The following STK3 variants were observed in gnomAD, a reference collection of about 807,000 sequenced individuals.
STK3 encodes the protein serine/threonine-protein kinase 3.
STK3 carries 41 observed loss-of-function variants against 58.0 expected under a neutral mutation model. The observed-to-expected ratio is 0.71, with a 90% CI of 0.55 to 0.92. The LOEUF (loss-of-function observed/expected upper bound fraction) is 0.92, where lower values mean the gene tolerates loss of function less well. Among genes scored for constraint, STK3 ranks in the 40% least tolerant of loss-of-function variants. The probability of loss-of-function intolerance (pLI) is 0.00; values close to 1 mark genes in which losing one functional copy is unlikely to be tolerated. For missense variants in STK3, 479 were observed against 602.7 expected (o/e 0.79, Z 2.15); for synonymous variants, 170 against 191.0 (o/e 0.89, Z 0.91).
intron 3 of STK3, among the ~76,000 whole-genome samples, chr8:98,758,984 G>T (rs767819266): frequency 6.6e-6 from 1 of 152,214 alleles, no homozygotes; most frequent in African/African-American, 2.4e-5. Context: ...TGGCTTAAGA[G>T]AATGCTGTGG....
chr8:98,905,284 G>T (rs773899194), intron 1 of STK3: 10 of 822,612 alleles, frequency 1.2e-5, no homozygotes, highest in Non-Finnish European at 1.7e-5. Context: ...GCCCCTGACG[G>T]TCTCACTGCG....
the STK3 span, among the ~76,000 whole-genome samples, chr8:98,345,153 A>G: frequency 6.6e-6 from 1 of 151,980 alleles, no homozygotes; most frequent in Non-Finnish European, 1.5e-5. Flanking sequence ...AAAACAAAAG[A>G]TTGCAATCTA....
intron 6 of STK3, among the ~76,000 whole-genome samples, chr8:98,629,373 G>C (rs1818995893): frequency 6.6e-6 from 1 of 152,046 alleles, no homozygotes; most frequent in Non-Finnish European, 1.5e-5. Context: ...ATTGAAAGGG[G>C]CATGAAAAAA....
At chr8:98,874,019 C>T (rs910385309) in intron 3 of STK3, among the ~76,000 whole-genome samples, 1 of 152,098 alleles carries the variant, frequency 6.6e-6, no homozygotes, top group Admixed American at 6.6e-5. Context: ...CCTTCAGGAG[C>T]TCTTGTAAGG....
At chr8:98,701,548 C>T (rs956031535) in intron 6 of STK3, among the ~76,000 whole-genome samples, 10 of 151,680 alleles carry the variant, frequency 6.6e-5, no homozygotes, top group Non-Finnish European at 7.4e-5. Flanking sequence ...CGCTTGAAAC[C>T]GGGAGGCAGA....
At chr8:98,718,969 T>C (rs944825513) in intron 4 of STK3, among the ~76,000 whole-genome samples, 2 of 152,210 alleles carry the variant, frequency 1.3e-5, no homozygotes, top group Non-Finnish European at 2.9e-5. Context: ...CTTGGAACTA[T>C]GCCTGGCGTA....
intron 10 of STK3, among the ~76,000 whole-genome samples, chr8:98,503,294 T>C (rs117343260): frequency 0.011 from 1,726 of 151,886 alleles, 11 homozygotes; most frequent in Non-Finnish European, 0.018. Flanking sequence ...TGTTTCTTCT[T>C]TTTCTTCTTT....
downstream of STK3, among the ~76,000 whole-genome samples, chr8:98,398,330 A>G (rs1586547822): frequency 6.6e-6 from 1 of 152,142 alleles, no homozygotes; most frequent in African/African-American, 2.4e-5. Context: ...AGGAACATCA[A>G]AATTATGGTG....
At chr8:98,910,146 G>A (rs1030370177) in intron 1 of STK3, among the ~76,000 whole-genome samples, 3 of 152,054 alleles carry the variant, frequency 2.0e-5, no homozygotes, top group Non-Finnish European at 4.4e-5. Flanking sequence ...CAGCTTTCTT[G>A]GAGAAATGTC....
At chr8:98,794,805 C>G (rs571385994) in intron 1 of STK3, among the ~76,000 whole-genome samples, 1 of 151,870 alleles carries the variant, frequency 6.6e-6, no homozygotes. Flanking sequence ...CAGTGGCTCA[C>G]GCCTGTAATC....
intron 1 of STK3, among the ~76,000 whole-genome samples, chr8:98,448,827 T>C (rs890753718): frequency 7.9e-5 from 12 of 152,232 alleles, no homozygotes; most frequent in Non-Finnish European, 1.3e-4. Flanking sequence ...ATTTGTATCA[T>C]GCTAAAAACT....
intron 1 of STK3, among the ~76,000 whole-genome samples, chr8:98,443,300 C>T (rs1034937809): frequency 2.0e-5 from 3 of 152,184 alleles, no homozygotes; most frequent in African/African-American, 7.2e-5. Flanking sequence ...GCTTCCCAAG[C>T]TTTCAGGGTA....
chr8:98,488,662 G>A (rs1822458208), intron 10 of STK3, among the ~76,000 whole-genome samples: 1 of 152,142 alleles, frequency 6.6e-6, no homozygotes, highest in Non-Finnish European at 1.5e-5. Flanking sequence ...TTTAGTGACT[G>A]ATACTAAAGG....
intron 3 of STK3, among the ~76,000 whole-genome samples, chr8:98,763,557 C>A (rs1830762037): frequency 6.6e-6 from 1 of 152,174 alleles, no homozygotes; most frequent in South Asian, 2.1e-4. Context: ...TCAATTCATA[C>A]TGTTTTCTTC....
At chr8:98,750,050 C>G (rs1385610093) in intron 3 of STK3, among the ~76,000 whole-genome samples, 1 of 152,054 alleles carries the variant, frequency 6.6e-6, no homozygotes, top group African/African-American at 2.4e-5. Context: ...TATGAGAAAT[C>G]TAACCTATCT....
intron 6 of STK3, chr8:98,633,553 T>C: frequency 1.4e-6 from 1 of 725,318 alleles, no homozygotes; most frequent in Non-Finnish European, 2.6e-6. Flanking sequence ...AGCCAGATTC[T>C]CCAGAGGCTC....
rs531745758 is a variant in STK3, at chr8:98,375,486, A to G, written n.111+3667T>C. Among the ~76,000 whole-genome samples the G allele has an allele frequency of 2.6e-5, 4 of 152,264 alleles. No homozygotes were observed. The South Asian group carries it at 8.3e-4, about 32-fold the overall frequency. On this transcript the variant is annotated intron_variant and non_coding_transcript_variant, in intron 2 of 2. Transcript: ENST00000518704. ...GAATTTTAACATACAGATTCATTTAATACTACTATAATCAGGATACTGAAC... is the reference window on the plus strand; with the variant it reads ...GAATTTTAACATACAGATTCATTTAGTACTACTATAATCAGGATACTGAAC...
At position 98,596,115 on chromosome 8, in the gene STK3, A is replaced by G. The variant is rs1815808585; in HGVS notation, c.739T>C (p.Trp247Arg). Residue 247 changes from tryptophan (W) to arginine (R), a missense_variant, in exon 7 of 11, where the codon TGG (tryptophan) becomes CGG (arginine). Coordinates refer to ENST00000419617, the MANE Select transcript of STK3 (RefSeq NM_006281.4). ...ACAAAATCGGTGAAATCATCGGACC[A>G]AAGTTCTGGCTTTCTGAATGTTGGT... ...PPPTFRKPEL[W>R]SDDFTDFVKK... 1.9e-6 allele frequency: 3 copies of G among 1,613,184 alleles called. No individual in the cohort carries two copies. The highest frequency in any genetic ancestry group is 1.7e-5 in the Admixed American group (1 of 59,894).
chr8:98,791,641 G>A (rs747481395), intron 1 of STK3, among the ~76,000 whole-genome samples: 1 of 152,132 alleles, frequency 6.6e-6, no homozygotes, highest in Non-Finnish European at 1.5e-5. Flanking sequence ...CAATGGAACA[G>A]AAAGAACCCA....
Sources: gnomAD v4.1 joint callset for allele counts (sites outside exome capture counted in the v4.1 genomes callset) on GRCh38, gnomAD v4.1.1 for gene constraint, MANE v1.5 for transcripts, NCBI Gene and HGNC (gene_info 2026-07-23, HGNC 2026-07-21) for gene names.